The following MACROD2 variants were observed in gnomAD, a reference collection of about 807,000 sequenced individuals.
MACROD2 encodes mono-ADP ribosylhydrolase 2.
A neutral mutation model predicts 70.4 loss-of-function variants in MACROD2; 36 were observed. The ratio of observed to expected loss-of-function variants is 0.51; its 90% CI spans 0.39 to 0.68. The LOEUF (loss-of-function observed/expected upper bound fraction) is 0.68. MACROD2 is among the 30% of genes least tolerant of loss of function. The pLI, the probability that MACROD2 is intolerant of heterozygous loss-of-function variation, is 0.00. For missense variants in MACROD2, 496 were observed against 538.4 expected (o/e 0.92, Z 0.78); for synonymous variants, 172 against 178.8 (o/e 0.96, Z 0.30).
At chr20:14,979,751 T>C (rs1327235299) in intron 5 of MACROD2, among the ~76,000 whole-genome samples, 52 of 152,204 alleles carry the variant, frequency 3.4e-4, no homozygotes, top group Non-Finnish European at 4.4e-5. Context: ...CTATCCTTTG[T>C]TGTCACGTTG....
chr20:14,883,476 G>T (rs1156984561), intron 5 of MACROD2, among the ~76,000 whole-genome samples: 1 of 151,980 alleles, frequency 6.6e-6, no homozygotes, highest in Non-Finnish European at 1.5e-5. Flanking sequence ...CTTTTGAAGT[G>T]AATTTTTCAT....
intron 5 of MACROD2, among the ~76,000 whole-genome samples, chr20:14,857,910 T>A (rs768621021): frequency 2.6e-5 from 4 of 152,006 alleles, no homozygotes; most frequent in Non-Finnish European, 5.9e-5. Flanking sequence ...AACCTCCGCC[T>A]CCCGGGTTCA....
At chr20:14,118,178 TA>T (rs1455457151) in intron 3 of MACROD2, among the ~76,000 whole-genome samples, 1 of 152,238 alleles carries the variant, frequency 6.6e-6, no homozygotes, top group Non-Finnish European at 1.5e-5. Flanking sequence ...GCTACATATA[TA>T]TTTTTTAGTT....
intron 12 of MACROD2, among the ~76,000 whole-genome samples, chr20:15,960,827 T>C (rs1284804258): frequency 6.6e-6 from 1 of 152,048 alleles, no homozygotes; most frequent in Non-Finnish European, 1.5e-5. Flanking sequence ...ACCTCAGGGA[T>C]AGTCCACAGG....
intron 5 of MACROD2, among the ~76,000 whole-genome samples, chr20:15,021,968 C>G (rs1840957414): frequency 6.6e-6 from 1 of 152,026 alleles, no homozygotes; most frequent in Non-Finnish European, 1.5e-5. Flanking sequence ...GTACTTTCAG[C>G]TCAATTCTTC....
At chr20:15,990,453 A>G (rs893481079) in intron 15 of MACROD2, among the ~76,000 whole-genome samples, 20 of 152,164 alleles carry the variant, frequency 1.3e-4, no homozygotes, top group Non-Finnish European at 2.5e-4. Context: ...ATTATGATAT[A>G]TATTGGATAT....
In MACROD2 at chr20:14,690,901, T is replaced by C. The variant is rs1016919577; in HGVS notation, c.418+5942T>C. Among the ~76,000 whole-genome samples, 4 of 152,152 alleles carry C rather than the reference T, an allele frequency of 2.6e-5. No homozygotes were observed. The South Asian group carries it at 8.3e-4, about 32-fold the overall frequency. ...TTTGCCAGCCCCTGGTCTGTGGCAA[T>C]CTGCACTTTTATTTTTATTTTTTTC... On this transcript the variant is annotated intron_variant, in intron 5 of 17. Transcript: ENST00000684519.
intron 5 of MACROD2, among the ~76,000 whole-genome samples, chr20:14,816,880 T>A (rs530329333): frequency 3.3e-5 from 5 of 151,808 alleles, no homozygotes; most frequent in African/African-American, 9.7e-5. Flanking sequence ...GAAAAAAAAA[T>A]AAATAATTGC....
At chr20:15,980,041 G>A (rs913144375) in intron 13 of MACROD2, among the ~76,000 whole-genome samples, 6 of 152,176 alleles carry the variant, frequency 3.9e-5, no homozygotes, top group South Asian at 2.1e-4. Flanking sequence ...TGAAAGGGTC[G>A]TGATTGATTT....
chr20:15,147,498 C>G (rs2076239023), intron 5 of MACROD2, among the ~76,000 whole-genome samples: 1 of 149,212 alleles, frequency 6.7e-6, no homozygotes. Context: ...ATCATTCCAA[C>G]AGATTTTTTT....
intron 3 of MACROD2, among the ~76,000 whole-genome samples, chr20:14,464,822 A>G (rs1159506881): frequency 6.6e-6 from 1 of 152,026 alleles, no homozygotes; most frequent in Non-Finnish European, 1.5e-5. Flanking sequence ...CAGGTTGTTT[A>G]GTTTCCATGT....
At chr20:15,043,588 C>T (rs563164943) in intron 5 of MACROD2, among the ~76,000 whole-genome samples, 13 of 152,300 alleles carry the variant, frequency 8.5e-5, no homozygotes, top group South Asian at 2.1e-4. Context: ...CTTTACTTAT[C>T]GCCTCTTCCC....
At chr20:15,136,157 A>G (rs1221614663) in intron 5 of MACROD2, among the ~76,000 whole-genome samples, 29 of 150,820 alleles carry the variant, frequency 1.9e-4, no homozygotes, top group African/African-American at 6.6e-4. Context: ...TATAGATTCA[A>G]TGCCATCCCC....
At chr20:14,282,391 C>T (rs1002822541) in intron 3 of MACROD2, among the ~76,000 whole-genome samples, 5 of 152,142 alleles carry the variant, frequency 3.3e-5, no homozygotes, top group South Asian at 2.1e-4. Flanking sequence ...GACTGACTCA[C>T]GTGGCTGGCA....
At chr20:15,242,466 C>G (rs1038625782) in intron 6 of MACROD2, among the ~76,000 whole-genome samples, 1 of 152,094 alleles carries the variant, frequency 6.6e-6, no homozygotes, top group African/African-American at 2.4e-5. Flanking sequence ...ATTTCTGCAT[C>G]TATATTCATA....
intron 5 of MACROD2, among the ~76,000 whole-genome samples, chr20:15,052,689 C>T (rs778925484): frequency 2.0e-5 from 3 of 152,044 alleles, no homozygotes; most frequent in Admixed American, 6.6e-5. Flanking sequence ...ATATTGAAAC[C>T]GAGCCAGTTA....
At chr20:15,306,382 C>T (rs573405033) in intron 6 of MACROD2, among the ~76,000 whole-genome samples, 9 of 152,266 alleles carry the variant, frequency 5.9e-5, no homozygotes, top group Admixed American at 1.3e-4. Flanking sequence ...ATGTGCCATG[C>T]GCATGCTAAA....
chr20:14,507,404 A>T (rs2084980376), intron 4 of MACROD2, among the ~76,000 whole-genome samples: 2 of 152,174 alleles, frequency 1.3e-5, no homozygotes, highest in Non-Finnish European at 2.9e-5. Context: ...ATAAGGAGTT[A>T]TTGTGTAACG....
At position 15,216,668 on chromosome 20, in the gene MACROD2, C is replaced by T. The variant is rs188306936; in HGVS notation, c.419-13272C>T. Among the ~76,000 whole-genome samples, 23 of 152,258 alleles carry T rather than the reference C, an allele frequency of 1.5e-4. 1 individual carries two copies. The East Asian group carries it at 3.5e-3, about 23-fold the overall frequency. ...CTTTGTCCTCAGGCTTCGACCCTCA[C>T]GACGGTAAGCTGACTGTGACAGCGA... On this transcript the variant is annotated intron_variant, in intron 5 of 17. Coordinates refer to ENST00000684519, the MANE Select transcript of MACROD2 (RefSeq NM_001351661.2).
Sources: allele counts gnomAD v4.1 joint callset (sites outside exome capture counted in the v4.1 genomes callset), GRCh38; gene constraint gnomAD v4.1.1; transcripts MANE v1.5; gene names NCBI Gene and HGNC (gene_info 2026-07-23, HGNC 2026-07-21).